Variants in PYROXD1 observed in about 807,000 individuals in gnomAD.
PYROXD1 encodes the protein pyridine nucleotide-disulphide oxidoreductase domain 1.
In PYROXD1, 42 loss-of-function variants were observed where a neutral mutation model predicts 62.0. That is an observed-to-expected ratio of 0.68 (90% CI 0.53 to 0.88). The LOEUF (loss-of-function observed/expected upper bound fraction) is 0.88, where lower values mean the gene tolerates loss of function less well. Among genes scored for constraint, PYROXD1 ranks in the 40% least tolerant of loss-of-function variants. The probability of loss-of-function intolerance (pLI) is 0.00; values close to 1 mark genes in which losing one functional copy is unlikely to be tolerated. For synonymous variants in PYROXD1, 170 were observed against 206.4 expected (o/e 0.82, Z 1.51); for missense variants, 493 against 604.8 (o/e 0.82, Z 1.94).
Position 21,462,985 on chromosome 12 carries a change from GT to G in PYROXD1, c.1116+125del, listed in dbSNP as rs1221749923. On this transcript the variant is annotated intron_variant, in intron 10 of 11. Transcript: ENST00000240651. ...TCTGCTTAAGTAGGAAGCTAGCACA[GT>G]TGTTATATATATTTAAAAAAAAAAC... is the stretch of plus-strand genomic sequence containing the variant. The G allele has an allele frequency of 4.3e-5, 34 of 790,364 alleles. 1 individual carries two copies. In the East Asian group the frequency reaches 4.5e-4, roughly 10 times the overall value. 49.0% of individuals were successfully genotyped at this position (790,364 alleles called of 1,614,324 possible).
intron 10 of PYROXD1, 113 bp downstream of exon 10, chr12:21,462,975 A>G (rs1227859918): frequency 2.1e-5 from 20 of 947,636 alleles, no homozygotes; most frequent in African/African-American, 2.0e-5. Flanking sequence ...TTAAGTAGGA[A>G]GCTAGCACAG....
At chr12:21,461,216 C>A in intron 8 of PYROXD1, 62 bp downstream of exon 8, 1 of 804,896 alleles carries the variant, frequency 1.2e-6, no homozygotes, top group Non-Finnish European at 1.8e-6. Context: ...ACAATTTAAT[C>A]CTGCTGTGTT....
intron 7 of PYROXD1, among the ~76,000 whole-genome samples, chr12:21,460,743 A>T (rs1942681771): frequency 6.6e-6 from 1 of 152,158 alleles, no homozygotes; most frequent in Admixed American, 6.5e-5. Flanking sequence ...AATTTTTAAA[A>T]AATGCATTTG....
chr12:21,460,145 A>G (rs906036928), intron 7 of PYROXD1, among the ~76,000 whole-genome samples: 3 of 152,134 alleles, frequency 2.0e-5, no homozygotes, highest in Admixed American at 1.3e-4. Context: ...GGCTTTCAGT[A>G]GGTAGGAGGG....
At chr12:21,462,595 G>T in intron 9 of PYROXD1, 145 bp from the exon 10 acceptor site, 1 of 807,026 alleles carries the variant, frequency 1.2e-6, no homozygotes, top group Non-Finnish European at 2.0e-6. Flanking sequence ...TTCAGCTCAG[G>T]TGTCTAAACT....
At chr12:21,442,139 G>C (rs1313033860) in intron 2 of PYROXD1, among the ~76,000 whole-genome samples, 1 of 152,216 alleles carries the variant, frequency 6.6e-6, no homozygotes, top group Non-Finnish European at 1.5e-5. Flanking sequence ...GGGGATCCCT[G>C]TTGGCACTGA....
chr12:21,447,904 A>G (rs11046057), intron 3 of PYROXD1: 96,964 of 203,142 alleles, frequency 0.48, 23,489 homozygotes, highest in East Asian at 0.52. Flanking sequence ...CAGGAGAATG[A>G]CATGAACCCG....
rs564431727 is a variant in PYROXD1, at chr12:21,452,020, A to C, written c.415-61A>C. On this transcript the variant is annotated intron_variant, in intron 4 of 11. Coordinates refer to ENST00000240651, the MANE Select transcript of PYROXD1 (RefSeq NM_024854.5). The stretch of plus-strand genomic sequence containing the variant: ...ATTTTTAGAATATTATCGAAGCCTC[A>C]TATTTCAGATTATTGCCCACTATTA... 45 of 960,928 alleles carry C rather than the reference A, an allele frequency of 4.7e-5. No individual in the cohort carries two copies. The African/African-American group carries it at 7.4e-4, about 16-fold the overall frequency. The allele number at this position is 960,928 out of a possible 1,614,324, so 59.5% of individuals were successfully genotyped here.
At chr12:21,456,521 A>G (rs879410320) in intron 7 of PYROXD1, among the ~76,000 whole-genome samples, 5 of 152,234 alleles carry the variant, frequency 3.3e-5, no homozygotes, top group Non-Finnish European at 7.3e-5. Context: ...TACAATGCAC[A>G]TAACGTTAAT....
intron 9 of PYROXD1, 138 bp downstream of exon 9, chr12:21,462,258 A>G (rs1230578034): frequency 3.3e-6 from 2 of 598,328 alleles, no homozygotes; most frequent in Non-Finnish European, 3.0e-6. Flanking sequence ...TGGTTAAAAC[A>G]TTGTCTTGAT....
rs1942892909 is a variant in PYROXD1, at chr12:21,469,932, A to AACTT, written c.*1180_*1183dup. 2.9e-6 allele frequency: 1 copy of AACTT among 347,904 alleles called. No individual in the cohort carries two copies. The highest frequency in any genetic ancestry group is 5.1e-6 in the Non-Finnish European group (1 of 197,734). The allele number at this position is 347,904 out of a possible 1,614,324, so 21.6% of individuals were successfully genotyped here. On this transcript the variant is annotated 3_prime_UTR_variant, in exon 12 of 12. Coordinates refer to ENST00000240651, the MANE Select transcript of PYROXD1 (RefSeq NM_024854.5). ...ATAAAAAACTTAAGACGATTGTATGAACTTATTCTCAAATATTTTACATTT... is the reference window on the plus strand; with the variant it reads ...ATAAAAAACTTAAGACGATTGTATGAACTTACTTATTCTCAAATATTTTACATTT...
chr12:21,467,369 T>C, intron 10 of PYROXD1, 112 bp from the exon 11 acceptor site: 2 of 976,954 alleles, frequency 2.0e-6, no homozygotes, highest in Non-Finnish European at 1.5e-6. Flanking sequence ...GTGGCAAAGA[T>C]GACAGAAAGA....
chr12:21,462,390 G>A (rs1942715218), intron 9 of PYROXD1, among the ~76,000 whole-genome samples: 1 of 151,608 alleles, frequency 6.6e-6, no homozygotes, highest in Admixed American at 6.6e-5. Context: ...GACACCTCCC[G>A]TGACTTCTCA....
intron 8 of PYROXD1, among the ~76,000 whole-genome samples, chr12:21,461,659 C>G (rs1398632782): frequency 6.6e-6 from 1 of 152,022 alleles, no homozygotes; most frequent in Non-Finnish European, 1.5e-5. Flanking sequence ...GGGAAGACAC[C>G]TAGTTGAACT....
At chr12:21,458,147 A>G (rs1289199373) in intron 7 of PYROXD1, among the ~76,000 whole-genome samples, 3 of 152,164 alleles carry the variant, frequency 2.0e-5, no homozygotes. Flanking sequence ...TTTCATGTAC[A>G]CTGAAAATCT....
At chr12:21,448,212 TC>T in intron 3 of PYROXD1, 1 of 574,028 alleles carries the variant, frequency 1.7e-6, no homozygotes. Context: ...GGTTTTCTCT[TC>T]CCCATCCATT....
intron 3 of PYROXD1, among the ~76,000 whole-genome samples, chr12:21,445,887 G>C (rs1360764141): frequency 6.6e-6 from 1 of 152,096 alleles, no homozygotes; most frequent in African/African-American, 2.4e-5. Flanking sequence ...GCTTAAGGAA[G>C]ACTTTACAGA....
At position 21,437,825 on chromosome 12, in the gene PYROXD1, G is replaced by T; in HGVS notation, c.84+11G>T. 1.2e-6 allele frequency: 2 copies of T among 1,609,282 alleles called. No individual in the cohort carries two copies. The highest frequency in any genetic ancestry group is 1.7e-5 in the Admixed American group (1 of 59,496). ...ACTTGTGCGGAGCAGGTAGGGCGGT[G>T]CTCAGGCGGTTCCGCCTCTTTCCCC... is the stretch of plus-strand genomic sequence containing the variant. On this transcript the variant is annotated intron_variant, in intron 1 of 11. Transcript: ENST00000240651.
At position 21,471,005 on chromosome 12, in the gene PYROXD1, A is replaced by C. The variant is rs1333579466; in HGVS notation, c.*2251A>C. ...TCTGCGTGGACTTTGTCACTTGCATAGTAATAGCATGTGCCTCATTGTTCA... is the reference window on the plus strand; with the variant it reads ...TCTGCGTGGACTTTGTCACTTGCATCGTAATAGCATGTGCCTCATTGTTCA... On this transcript the variant is annotated 3_prime_UTR_variant, in exon 12 of 12. Transcript: ENST00000240651. 1 of 1,574,850 alleles carries C rather than the reference A, an allele frequency of 6.3e-7. No individual in the cohort carries two copies. The highest frequency in any genetic ancestry group is 2.4e-5 in the East Asian group (1 of 42,006).
Sources: allele counts gnomAD v4.1 joint callset (sites outside exome capture counted in the v4.1 genomes callset), GRCh38; gene constraint gnomAD v4.1.1; transcripts MANE v1.5; gene names NCBI Gene and HGNC (gene_info 2026-07-23, HGNC 2026-07-21).